Variants in GALNTL6 observed in about 807,000 individuals in gnomAD.
The protein encoded by GALNTL6 is polypeptide N-acetylgalactosaminyltransferase-like 6.
In GALNTL6, 46 loss-of-function variants were observed where a neutral mutation model predicts 73.7. That is an observed-to-expected ratio of 0.62 (90% CI 0.49 to 0.80). The LOEUF (loss-of-function observed/expected upper bound fraction) is 0.80. Ranked by LOEUF, GALNTL6 falls within the 30% of genes least tolerant of loss-of-function variation. The pLI is 0.00. For synonymous variants in GALNTL6, 259 were observed against 263.7 expected, an observed-to-expected ratio of 0.98 and a Z score of 0.17; for missense variants, 604 against 755.0, an observed-to-expected ratio of 0.80 and a Z score of 2.34.
At chr4:172,662,662 T>C (rs984737508) in intron 5 of GALNTL6, among the ~76,000 whole-genome samples, 39 of 152,212 alleles carry the variant, frequency 2.6e-4, no homozygotes, top group Non-Finnish European at 1.2e-4. Flanking sequence ...ATTCATTCAA[T>C]TGGTACCCAG....
At chr4:172,875,578 G>A (rs868228140) in intron 7 of GALNTL6, among the ~76,000 whole-genome samples, 1 of 152,050 alleles carries the variant, frequency 6.6e-6, no homozygotes, top group East Asian at 1.9e-4. Context: ...TGGAGTGTGG[G>A]TGACCCCAGC....
intron 5 of GALNTL6, among the ~76,000 whole-genome samples, chr4:172,593,163 G>C: frequency 6.6e-6 from 1 of 152,038 alleles, no homozygotes; most frequent in East Asian, 1.9e-4. Flanking sequence ...ATGGCCTGCT[G>C]GATATCTCCA....
intron 2 of GALNTL6, among the ~76,000 whole-genome samples, chr4:171,978,554 G>T (rs562658691): frequency 6.6e-6 from 1 of 152,256 alleles, no homozygotes; most frequent in South Asian, 2.1e-4. Flanking sequence ...CCAAGAGAAA[G>T]AAACAAGTTT....
intron 5 of GALNTL6, among the ~76,000 whole-genome samples, chr4:172,530,935 C>T (rs957626188): frequency 2.1e-4 from 30 of 140,934 alleles, no homozygotes; most frequent in Non-Finnish European, 3.4e-4. Context: ...TAATTGTACT[C>T]GCCGTGTGTT....
intron 2 of GALNTL6, among the ~76,000 whole-genome samples, chr4:172,072,596 C>A (rs751520949): frequency 5.9e-5 from 9 of 152,154 alleles, no homozygotes; most frequent in Admixed American, 1.3e-4. Context: ...ACTGTACTGT[C>A]CACTCCCAAA....
chr4:172,973,805 C>T (rs1305856858), intron 10 of GALNTL6, among the ~76,000 whole-genome samples: 1 of 152,188 alleles, frequency 6.6e-6, no homozygotes, highest in East Asian at 1.9e-4. Flanking sequence ...CCCTCTGACT[C>T]CGTCTTTTTC....
At chr4:171,920,952 C>G (rs896127079) in intron 2 of GALNTL6, among the ~76,000 whole-genome samples, 1 of 151,958 alleles carries the variant, frequency 6.6e-6, no homozygotes, top group Non-Finnish European at 1.5e-5. Context: ...GTATTGTATG[C>G]GCATTGTAAA....
chr4:171,890,256 C>G (rs1736724812), intron 2 of GALNTL6, among the ~76,000 whole-genome samples: 1 of 151,920 alleles, frequency 6.6e-6, no homozygotes. Flanking sequence ...TTTATAAAAC[C>G]ATATATTACA....
intron 3 of GALNTL6, among the ~76,000 whole-genome samples, chr4:172,266,561 G>A (rs1367359836): frequency 6.6e-6 from 1 of 152,032 alleles, no homozygotes; most frequent in Non-Finnish European, 1.5e-5. Flanking sequence ...AAACATTGTA[G>A]CTATAAAACA....
intron 2 of GALNTL6, among the ~76,000 whole-genome samples, chr4:171,920,422 G>A (rs960939611): frequency 1.3e-5 from 2 of 151,998 alleles, no homozygotes; most frequent in African/African-American, 4.8e-5. Context: ...TTTAGGGATG[G>A]CAGGGAAATG....
intron 5 of GALNTL6, among the ~76,000 whole-genome samples, chr4:172,609,625 C>CTCTCTCTCTCTGTG (rs753051714): frequency 2.2e-5 from 2 of 92,776 alleles, no homozygotes; most frequent in African/African-American, 9.1e-5. Flanking sequence ...CTCTCTCTCT[C>CTCTCTCTCTCTGTG]TGTGTGTGTG....
At chr4:171,915,470 T>G (rs542096818) in intron 2 of GALNTL6, among the ~76,000 whole-genome samples, 4 of 152,184 alleles carry the variant, frequency 2.6e-5, no homozygotes, top group Admixed American at 2.6e-4. Flanking sequence ...GGAGTGATAG[T>G]GATTCTAAAT....
chr4:172,960,359 A>C (rs190281555), intron 10 of GALNTL6, among the ~76,000 whole-genome samples: 22 of 152,320 alleles, frequency 1.4e-4, no homozygotes, highest in African/African-American at 5.3e-4. Context: ...TCACGGAACG[A>C]AACTGTAAGC....
chr4:172,382,154 G>A (rs1743306631), intron 5 of GALNTL6, among the ~76,000 whole-genome samples: 1 of 152,138 alleles, frequency 6.6e-6, no homozygotes, highest in Non-Finnish European at 1.5e-5. Flanking sequence ...TTTTAGTAGA[G>A]ACAGGGGTTT....
intron 2 of GALNTL6, among the ~76,000 whole-genome samples, chr4:172,081,331 A>G (rs549072091): frequency 6.6e-6 from 1 of 152,168 alleles, no homozygotes; most frequent in African/African-American, 2.4e-5. Flanking sequence ...CAAACCTATT[A>G]AGGCTGAGTC....
rs142725528 is a variant in GALNTL6, at chr4:172,392,195, G to A, written c.553+43506G>A. Among the ~76,000 whole-genome samples the A allele has an allele frequency of 2.6e-5, 4 of 152,036 alleles. No homozygotes were observed. In the East Asian group the frequency reaches 7.8e-4, roughly 29 times the overall value. On this transcript the variant is annotated intron_variant, in intron 5 of 12. Coordinates refer to ENST00000506823, the MANE Select transcript of GALNTL6 (RefSeq NM_001034845.3). ...GTAGAGGCAGGGTGTCACCATATTG[G>A]TCAGGCTGGTCTCAAACTCCAGAGC... is the stretch of plus-strand genomic sequence containing the variant.
chr4:171,822,274 G>C (rs556446923), intron 2 of GALNTL6, among the ~76,000 whole-genome samples: 17 of 152,288 alleles, frequency 1.1e-4, no homozygotes, highest in African/African-American at 4.1e-4. Context: ...TTAGGGGACA[G>C]ATAAAACATA....
chr4:172,682,761 C>G (rs115802913), intron 5 of GALNTL6, among the ~76,000 whole-genome samples: 286 of 152,054 alleles, frequency 1.9e-3, no homozygotes, highest in African/African-American at 6.5e-3. Flanking sequence ...ATGATTATGA[C>G]ATTTAAGACA....
chr4:171,895,024 A>C (rs984405621), intron 2 of GALNTL6, among the ~76,000 whole-genome samples: 1 of 152,212 alleles, frequency 6.6e-6, no homozygotes, highest in Admixed American at 6.5e-5. Context: ...GGAATATTAA[A>C]AGTCAGACAG....
Sources: gnomAD v4.1 joint callset for allele counts (sites outside exome capture counted in the v4.1 genomes callset) on GRCh38, gnomAD v4.1.1 for gene constraint, MANE v1.5 for transcripts, NCBI Gene and HGNC (gene_info 2026-07-23, HGNC 2026-07-21) for gene names.